MYO1H: variants seen among roughly 807,000 people sequenced by gnomAD.
MYO1H encodes the protein myosin IH.
In MYO1H, 118 loss-of-function variants were observed where a neutral mutation model predicts 149.3. The observed-to-expected ratio is 0.79, with a 90% CI of 0.68 to 0.92. MYO1H has a LOEUF of 0.92. MYO1H is among the 40% of genes least tolerant of loss of function. The pLI is 0.00. For missense variants in MYO1H, 1,212 were observed against 1,280.7 expected, an observed-to-expected ratio of 0.95 and a Z score of 0.82; for synonymous variants, 447 against 465.2, an observed-to-expected ratio of 0.96 and a Z score of 0.50.
exon 6 of MYO1H, chr12:109,401,187 A>G (rs1870143481): frequency 6.2e-7 from 1 of 1,613,870 alleles, no homozygotes. Context: ...CACATCTTCT[A>G]CCAGCTGCTG....
intron 1 of MYO1H, among the ~76,000 whole-genome samples, chr12:109,360,169 A>G (rs896232526): frequency 6.6e-6 from 1 of 150,934 alleles, no homozygotes; most frequent in African/African-American, 2.4e-5. Flanking sequence ...GACTGCAGGG[A>G]ATTTCAAATG....
chr12:109,401,168 C>T (rs752481845), exon 6 of MYO1H: 8 of 1,613,688 alleles, frequency 5.0e-6, no homozygotes, highest in African/African-American at 2.7e-5. Context: ...CGAAGGCGAG[C>T]GGAATTTCCA....
chr12:109,319,956 A>G, the MYO1H span, among the ~76,000 whole-genome samples: 6 of 152,284 alleles, frequency 3.9e-5, no homozygotes, highest in South Asian at 2.1e-4. Context: ...GAATTACTAA[A>G]TTGGCTAGAC....
rs1271762438 is a variant in MYO1H, at chr12:109,424,475, G to A, written c.1645-273G>A. On this transcript the variant is annotated intron_variant, in intron 16 of 31. Transcript: ENST00000310903. ...CTGGCCTGGGATCATTTCTTAAACA[G>A]CCAGTTTATTCTGAAGCAGCTGCAC... 5.9e-5 allele frequency among the ~76,000 whole-genome samples: 9 copies of A among 152,196 alleles called. No homozygotes were observed. In the East Asian group the frequency reaches 1.7e-3, roughly 29 times the overall value.
chr12:109,368,102 CCTA>C, intron 1 of MYO1H, among the ~76,000 whole-genome samples: 1 of 152,276 alleles, frequency 6.6e-6, no homozygotes, highest in South Asian at 2.1e-4. Context: ...GCAAGTATCT[CCTA>C]CTGGTTCTCT....
intron 15 of MYO1H, among the ~76,000 whole-genome samples, chr12:109,419,906 A>T (rs1871101103): frequency 6.6e-6 from 1 of 151,850 alleles, no homozygotes; most frequent in Non-Finnish European, 1.5e-5. Flanking sequence ...TTTTGCCTTT[A>T]TAATGCCATT....
At chr12:109,443,598 G>T (rs539920867) in exon 28 of MYO1H, 6 of 1,613,760 alleles carry the variant, frequency 3.7e-6, no homozygotes, top group Admixed American at 3.3e-5. Flanking sequence ...AGCAGCTTAC[G>T]TGGTGGAACT....
chr12:109,387,000 G>A (rs1347127944), intron 1 of MYO1H, among the ~76,000 whole-genome samples: 3 of 35,674 alleles, frequency 8.4e-5, no homozygotes, highest in African/African-American at 3.9e-4. Flanking sequence ...AAGTTCGTGT[G>A]TGTGTGTGTG....
chr12:109,426,462 G>C (rs1004936085), intron 18 of MYO1H, among the ~76,000 whole-genome samples: 1 of 152,074 alleles, frequency 6.6e-6, no homozygotes, highest in Non-Finnish European at 1.5e-5. Flanking sequence ...GGAGTTCAAG[G>C]CTGCAGTGAG....
chr12:109,324,027 A>G, the MYO1H span, among the ~76,000 whole-genome samples: 5 of 144,842 alleles, frequency 3.5e-5, no homozygotes, highest in African/African-American at 1.3e-4. Context: ...AAAAAAAAAA[A>G]AGTGTTCAAC....
intron 5 of MYO1H, among the ~76,000 whole-genome samples, chr12:109,399,332 C>A (rs1388245852): frequency 2.6e-5 from 4 of 152,140 alleles, no homozygotes; most frequent in Admixed American, 2.6e-4. Context: ...TGGCTCGCAC[C>A]TGTAATCCCA....
At chr12:109,404,821 A>C (rs944946096) in intron 7 of MYO1H, among the ~76,000 whole-genome samples, 1 of 151,320 alleles carries the variant, frequency 6.6e-6, no homozygotes, top group Non-Finnish European at 1.5e-5. Flanking sequence ...TAGAATTTAT[A>C]AACAATTTGT....
At chr12:109,356,472 C>A (rs1212339046) in intron 1 of MYO1H, among the ~76,000 whole-genome samples, 5 of 152,040 alleles carry the variant, frequency 3.3e-5, no homozygotes, top group African/African-American at 1.2e-4. Flanking sequence ...TCTGGGAAAG[C>A]TTAAATGTGA....
chr12:109,445,203 G>A (rs969129766), intron 30 of MYO1H, among the ~76,000 whole-genome samples: 9 of 152,192 alleles, frequency 5.9e-5, no homozygotes, highest in African/African-American at 1.9e-4. Flanking sequence ...TCTTTGTGTT[G>A]CTGTACCTGA....
exon 2 of MYO1H, chr12:109,388,790 C>T (rs755058492): frequency 6.2e-7 from 1 of 1,613,128 alleles, no homozygotes; most frequent in Non-Finnish European, 8.5e-7. Flanking sequence ...CGTACACCAG[C>T]GAATCTGCCT....
chr12:109,315,668 C>T, the MYO1H span, among the ~76,000 whole-genome samples: 1 of 152,228 alleles, frequency 6.6e-6, no homozygotes. Context: ...CAGCTTGCCT[C>T]CTGTTACAGG....
chr12:109,437,778 C>G (rs1416556926), intron 22 of MYO1H, among the ~76,000 whole-genome samples: 2 of 152,030 alleles, frequency 1.3e-5, no homozygotes, highest in Non-Finnish European at 2.9e-5. Context: ...TTTAAAAAAT[C>G]TGAAGAGCAT....
intron 1 of MYO1H, among the ~76,000 whole-genome samples, chr12:109,377,630 C>G (rs964741691): frequency 1.3e-5 from 2 of 152,164 alleles, no homozygotes; most frequent in East Asian, 3.8e-4. Flanking sequence ...CATTCTGCCT[C>G]TATGGCTTTA....
At position 109,413,818 on chromosome 12, in the gene MYO1H, G is replaced by A. The variant is rs1444298934; in HGVS notation, c.1503-1708G>A. On this transcript the variant is annotated intron_variant, in intron 14 of 31. Coordinates refer to ENST00000310903, the Ensembl canonical transcript of MYO1H. ...CCAGCTACTCAGGAGGCTGAGGCAGGAGAATCGCTTGAACCTGGGAGGTAG... is the reference window on the plus strand; with the variant it reads ...CCAGCTACTCAGGAGGCTGAGGCAGAAGAATCGCTTGAACCTGGGAGGTAG... Among the ~76,000 whole-genome samples, 5 of 152,258 alleles carry A rather than the reference G, an allele frequency of 3.3e-5. No homozygotes were observed. In the South Asian group the frequency reaches 1.0e-3, roughly 32 times the overall value.
Sources: gnomAD v4.1 joint callset for allele counts (sites outside exome capture counted in the v4.1 genomes callset) on GRCh38, gnomAD v4.1.1 for gene constraint, MANE v1.5 for transcripts, NCBI Gene and HGNC (gene_info 2026-07-23, HGNC 2026-07-21) for gene names.